CATSPERT: variants seen among roughly 807,000 people sequenced by gnomAD.
CATSPERT encodes catsper channel auxiliary subunit tau, also known as cation channel sperm-associated targeting subunit tau.
the CATSPERT span, among the ~76,000 whole-genome samples, chr2:201,591,168 G>C: frequency 6.6e-6 from 1 of 152,116 alleles, no homozygotes; most frequent in Admixed American, 6.6e-5. Context: ...TGTATAAGGT[G>C]TAAGGAAGGG....
At chr2:201,566,865 A>G in the CATSPERT span, among the ~76,000 whole-genome samples, 1 of 152,172 alleles carries the variant, frequency 6.6e-6, no homozygotes, top group Admixed American at 6.5e-5. Flanking sequence ...GCTAGGTGCA[A>G]TGTTCATATG....
At chr2:201,489,531 T>A in the CATSPERT span, among the ~76,000 whole-genome samples, 1 of 152,204 alleles carries the variant, frequency 6.6e-6, no homozygotes, top group Non-Finnish European at 1.5e-5. Flanking sequence ...AGCTGTATAA[T>A]ATATAGTGTG....
At chr2:201,494,881 A>G in the CATSPERT span, 7 of 839,878 alleles carry the variant, frequency 8.3e-6, no homozygotes, top group Non-Finnish European at 1.1e-5. Flanking sequence ...TACCCTCCAC[A>G]AAGGGAGAAA....
the CATSPERT span, chr2:201,491,858 G>T: frequency 6.5e-7 from 1 of 1,536,882 alleles, no homozygotes; most frequent in South Asian, 1.2e-5. Context: ...TCTGTTTTAT[G>T]AACAGAATTT....
the CATSPERT span, among the ~76,000 whole-genome samples, chr2:201,527,727 C>A: frequency 6.6e-6 from 1 of 151,998 alleles, no homozygotes; most frequent in African/African-American, 2.4e-5. Context: ...TAAAACAGAC[C>A]CCTTCCTTTC....
chr2:201,491,400 A>G, the CATSPERT span: 7 of 1,537,232 alleles, frequency 4.6e-6, no homozygotes, highest in Non-Finnish European at 6.1e-6. Context: ...CTACAACCTT[A>G]TATTGGAATG....
the CATSPERT span, chr2:201,511,869 A>AC: frequency 4.7e-5 from 7 of 149,998 alleles, no homozygotes; most frequent in Middle Eastern, 3.4e-3. Context: ...AAAAAAAAAA[A>AC]AAAACTCTTC....
chr2:201,535,706 A>G, the CATSPERT span: 1 of 1,271,466 alleles, frequency 7.9e-7, no homozygotes, highest in Non-Finnish European at 9.9e-7. Flanking sequence ...AAGCAGGAAT[A>G]TTTAATATAC....
chr2:201,601,273 AGTGTGTGTGTGTGTGTGTGT>A, the CATSPERT span, among the ~76,000 whole-genome samples: 1 of 41,806 alleles, frequency 2.4e-5, no homozygotes, highest in African/African-American at 5.8e-5. Context: ...TAAGGATGAT[AGTGTGTGTGTGTGTGTGTGT>A]GTGTGTGTGT....
the CATSPERT span, chr2:201,601,907 G>A: frequency 6.5e-7 from 1 of 1,532,888 alleles, no homozygotes; most frequent in Non-Finnish European, 8.9e-7. Flanking sequence ...TGATATTCAG[G>A]AAATAAATTT....
At chr2:201,551,521 A>G in the CATSPERT span, among the ~76,000 whole-genome samples, 1 of 152,226 alleles carries the variant, frequency 6.6e-6, no homozygotes, top group Admixed American at 6.5e-5. Flanking sequence ...TTAAATCATA[A>G]CTGCATAAAT....
At chr2:201,614,871 C>T in the CATSPERT span, among the ~76,000 whole-genome samples, 2 of 152,104 alleles carry the variant, frequency 1.3e-5, no homozygotes, top group African/African-American at 4.8e-5. Flanking sequence ...GAGGATCTAC[C>T]AAGCCAATGG....
chr2:201,537,369 C>A, the CATSPERT span: 1 of 1,266,158 alleles, frequency 7.9e-7, no homozygotes, highest in Non-Finnish European at 1.1e-6. Flanking sequence ...AATATTTCTC[C>A]ATTTATAAAT....
chr2:201,582,136 A>G, the CATSPERT span: 10 of 1,609,684 alleles, frequency 6.2e-6, no homozygotes, highest in Non-Finnish European at 7.6e-6. Context: ...CTCCCTAACA[A>G]GAAAGCACGT....
the CATSPERT span, among the ~76,000 whole-genome samples, chr2:201,570,821 T>A: frequency 7.9e-5 from 12 of 152,184 alleles, no homozygotes; most frequent in Admixed American, 2.0e-4. Flanking sequence ...ATCAAGAGAA[T>A]GTGTCCCCTC....
the CATSPERT span, among the ~76,000 whole-genome samples, chr2:201,579,059 T>A: frequency 6.6e-6 from 1 of 152,168 alleles, no homozygotes; most frequent in African/African-American, 2.4e-5. Flanking sequence ...TAAGTTGCAA[T>A]CATCATTACT....
chr2:201,596,471 T>C, the CATSPERT span, among the ~76,000 whole-genome samples: 2 of 152,006 alleles, frequency 1.3e-5, no homozygotes, highest in African/African-American at 4.8e-5. Context: ...AATAACTGAG[T>C]ACTAGGCTTA....
chr2:201,505,502 T>C, the CATSPERT span, among the ~76,000 whole-genome samples: 1 of 152,154 alleles, frequency 6.6e-6, no homozygotes, highest in Non-Finnish European at 1.5e-5. Flanking sequence ...CTGATGTATT[T>C]TTTCCAAAAA....
the CATSPERT span, among the ~76,000 whole-genome samples, chr2:201,562,720 A>C: frequency 1.4e-5 from 2 of 141,334 alleles, no homozygotes; most frequent in African/African-American, 2.6e-5. Context: ...GATGACTCTT[A>C]ACGAGCATGC....
Sources: allele counts gnomAD v4.1 joint callset (sites outside exome capture counted in the v4.1 genomes callset), GRCh38; gene constraint gnomAD v4.1.1; transcripts MANE v1.5; gene names NCBI Gene and HGNC (gene_info 2026-07-23, HGNC 2026-07-21).